Variants in CX3CL1 observed in about 807,000 individuals in gnomAD.
CX3CL1 encodes the protein C-X3-C motif chemokine ligand 1, also known as fractalkine.
In CX3CL1, 1 loss-of-function variant was observed where a neutral mutation model predicts 14.1. The ratio of observed to expected loss-of-function variants is 0.07; its 90% CI spans 0.03 to 0.34. The LOEUF is 0.34. Ranked by LOEUF, CX3CL1 falls within the 10% of genes least tolerant of loss-of-function variation. The pLI is 0.99. For synonymous variants in CX3CL1, 255 were observed against 229.6 expected, an observed-to-expected ratio of 1.11 and a Z score of -1.00; for missense variants, 505 against 536.4, an observed-to-expected ratio of 0.94 and a Z score of 0.58.
intron 1 of CX3CL1, chr16:57,379,340 T>A: frequency 4.5e-5 from 18 of 399,736 alleles, no homozygotes; most frequent in Middle Eastern, 6.5e-4. Context: ...AAAAAAAAAA[T>A]TAAACTCTTA....
Position 57,382,789 on chromosome 16 carries a change from C to T in CX3CL1, c.951C>T (p.Ala317=), listed in dbSNP as rs550988829. ...CTAAGGCTGAGGAACCCATCCATGCCACCATGGACCCCCAGAGGCTGGGCG... is the reference window on the plus strand; with the variant it reads ...CTAAGGCTGAGGAACCCATCCATGCTACCATGGACCCCCAGAGGCTGGGCG... ...WTPKAEEPIH[A]TMDPQRLGVL... The change falls in exon 3 of 3, where the codon GCC becomes GCT. Residue 317 remains alanine, a synonymous_variant. Transcript: ENST00000006053. This position sits in a 1 kb window ranked among gnomAD's most constrained non-coding sequence, Gnocchi z 6.9. 5.6e-6 allele frequency: 9 copies of T among 1,606,866 alleles called. No homozygotes were observed. The highest frequency in any genetic ancestry group is 2.7e-5 in the African/African-American group (2 of 74,924).
intron 1 of CX3CL1, among the ~76,000 whole-genome samples, chr16:57,374,912 G>A (rs570233700): frequency 4.6e-5 from 7 of 152,226 alleles, no homozygotes; most frequent in Admixed American, 1.3e-4. Context: ...AGGCCAAGGC[G>A]GGCAGATCAC....
intron 2 of CX3CL1, among the ~76,000 whole-genome samples, chr16:57,380,248 C>G (rs1055747932): frequency 6.6e-6 from 1 of 152,144 alleles, no homozygotes; most frequent in Non-Finnish European, 1.5e-5. Context: ...AAATGGGTAG[C>G]TAGGACAGGA....
In CX3CL1 at chr16:57,382,237, C is replaced by A; in HGVS notation, c.399C>A (p.Gly133=). Residue 133 remains glycine (G), a synonymous_variant, in exon 3 of 3, where the codon GGC becomes GGA. Coordinates refer to ENST00000006053, the MANE Select transcript of CX3CL1 (RefSeq NM_002996.6). The surrounding 1 kb of genome is among the most constrained non-coding windows in gnomAD (Gnocchi z 6.9). The stretch of plus-strand genomic sequence containing the variant: ...TGGTCCTGGAGCCCGAAGCCACAGG[C>A]GAAAGCAGTAGCCTGGAGCCGACTC... ...ESVVLEPEAT[G]ESSSLEPTPS... is the part of the protein sequence containing the mutation. 6.2e-7 allele frequency: 1 copy of A among 1,612,080 alleles called. No individual in the cohort carries two copies. The highest frequency in any genetic ancestry group is 8.5e-7 in the Non-Finnish European group (1 of 1,178,938).
Position 57,382,138 on chromosome 16 carries a change from C to T in CX3CL1, c.300C>T (p.Gly100=), listed in dbSNP as rs1265015801. 5 of 1,613,862 alleles carry T rather than the reference C, an allele frequency of 3.1e-6. No individual in the cohort carries two copies. Among genetic ancestry groups the T allele is most frequent in the South Asian group, 2.2e-5 (2 of 91,088 alleles). The change falls in exon 3 of 3, where the codon GGC becomes GGT. Residue 100 remains glycine (G), a synonymous_variant. Coordinates refer to ENST00000006053, the MANE Select transcript of CX3CL1 (RefSeq NM_002996.6). The surrounding 1 kb of genome is among the most constrained non-coding windows in gnomAD (Gnocchi z 6.9). ...DRQAAALTRN[G]GTFEKQIGEV... ...AGGCTGCTGCCCTAACTCGAAATGG[C>T]GGCACCTTCGAGAAGCAGATCGGCG...
At position 57,383,018 on chromosome 16, in the gene CX3CL1, CT is replaced by C; in HGVS notation, c.1181del (p.Leu394ArgfsTer35). ...PRSCGSNSYV[L>X]VPV ...GAGCTGTGGTAGTAATTCATATGTC[CT>C]GGTGCCCGTGTGAACTCCTCTGGCC... On this transcript the variant is annotated frameshift_variant, in exon 3 of 3. Coordinates refer to ENST00000006053, the MANE Select transcript of CX3CL1 (RefSeq NM_002996.6). LOFTEE classifies it high-confidence loss of function. The C allele has an allele frequency of 6.7e-7, 1 of 1,491,144 alleles. No individual in the cohort carries two copies. The highest frequency in any genetic ancestry group is 9.0e-7 in the Non-Finnish European group (1 of 1,116,974). The allele number at this position is 1,491,144 out of a possible 1,614,324, so 92.4% of individuals were successfully genotyped here. A position where few individuals can be genotyped will look rare whatever the true frequency, so the allele number is the denominator to read the frequency against.
chr16:57,375,553 G>A lies in CX3CL1; in HGVS notation c.70+2915G>A, dbSNP rs9926186. 2.0e-5 allele frequency among the ~76,000 whole-genome samples: 3 copies of A among 152,314 alleles called. No homozygotes were observed. The East Asian group carries it at 5.8e-4, about 29-fold the overall frequency. ...GCCCTAAGGGAAAAATGCTCCAGAAGTTAAAAAATTCTTATTCTCACAACC... is the reference window on the plus strand; with the variant it reads ...GCCCTAAGGGAAAAATGCTCCAGAAATTAAAAAATTCTTATTCTCACAACC... On this transcript the variant is annotated intron_variant, in intron 1 of 2. Transcript: ENST00000006053.
intron 2 of CX3CL1, among the ~76,000 whole-genome samples, chr16:57,380,106 A>C (rs1369847274): frequency 6.6e-6 from 1 of 152,200 alleles, no homozygotes; most frequent in East Asian, 1.9e-4. Flanking sequence ...GTAGGTGTAA[A>C]GCATGAGGGT....
rs1442077921 is a variant in CX3CL1, at chr16:57,383,925, A to C, written c.*893A>C. 3 of 152,458 alleles carry C rather than the reference A, an allele frequency of 2.0e-5. No homozygotes were observed. The highest frequency in any genetic ancestry group is 4.4e-5 in the Non-Finnish European group (3 of 68,230). 9.4% of individuals were successfully genotyped at this position (152,458 alleles called of 1,614,324 possible). On this transcript the variant is annotated 3_prime_UTR_variant, in exon 3 of 3. Transcript: ENST00000006053. ...GGCCCAGAGGGCCTGCAAGGGAGTGAGTTGATAGCACAGACCCTGCCCTGT... is the reference window on the plus strand; with the variant it reads ...GGCCCAGAGGGCCTGCAAGGGAGTGCGTTGATAGCACAGACCCTGCCCTGT...
At chr16:57,379,453 G>A (rs1157901462) in intron 1 of CX3CL1, 181 bp from the exon 2 acceptor site, 6 of 591,640 alleles carry the variant, frequency 1.0e-5, no homozygotes, top group Non-Finnish European at 1.8e-5. Flanking sequence ...TTTTACAGGT[G>A]GGGAAACTGA....
At chr16:57,372,866 C>A (rs529574414) in intron 1 of CX3CL1, among the ~76,000 whole-genome samples, 34 of 152,274 alleles carry the variant, frequency 2.2e-4, no homozygotes, top group African/African-American at 7.9e-4. Flanking sequence ...GCCCAGCGAG[C>A]AAAGTGGCTG....
rs1468466971 is a variant in CX3CL1 at position 57,379,646 on chromosome 16, G to T, written c.83G>T (p.Gly28Val). The part of the protein sequence containing the change: ...LTVLLAGQHH[G>V]VTKCNITCSK... ...TCTTTGAACTCAGGACAGCACCACG[G>T]TGTGACGAAATGCAACATCACGTGC... The change falls in exon 2 of 3, where the codon GGT (glycine) becomes GTT (valine). Residue 28 changes from glycine (G) to valine (V), a missense_variant. Coordinates refer to ENST00000006053, the MANE Select transcript of CX3CL1 (RefSeq NM_002996.6). 2 of 1,614,198 alleles carry T rather than the reference G, an allele frequency of 1.2e-6. No individual in the cohort carries two copies. Among genetic ancestry groups the T allele is most frequent in the South Asian group, 2.2e-5 (2 of 91,076 alleles).
At chr16:57,377,324 G>A (rs1048911694) in intron 1 of CX3CL1, 2 of 152,386 alleles carry the variant, frequency 1.3e-5, no homozygotes, top group African/African-American at 2.4e-5. Context: ...GAGTCAGTCT[G>A]AGGTTCCATT....
intron 1 of CX3CL1, 116 bp downstream of exon 1, chr16:57,372,754 G>C: frequency 1.0e-6 from 1 of 956,946 alleles, no homozygotes; most frequent in Non-Finnish European, 1.6e-6. Context: ...CAAGGCCGGT[G>C]GCAGCCGCTT....
At chr16:57,378,288 A>G (rs172783) in intron 1 of CX3CL1, 119,781 of 151,932 alleles carry the variant, frequency 0.79, 47,380 homozygotes, top group Non-Finnish European at 0.81. Context: ...ATAGTGGCTT[A>G]CATCTGTAAT....
At chr16:57,375,394 G>T (rs1039898032) in intron 1 of CX3CL1, among the ~76,000 whole-genome samples, 8 of 151,980 alleles carry the variant, frequency 5.3e-5, no homozygotes, top group Non-Finnish European at 1.0e-4. Context: ...AATGTTTTTG[G>T]TTCAGTTGAG....
intron 2 of CX3CL1, 25 bp downstream of exon 2, chr16:57,379,779 G>C: frequency 6.2e-7 from 1 of 1,613,678 alleles, no homozygotes; most frequent in Non-Finnish European, 8.5e-7. Flanking sequence ...CGAGGCCTCT[G>C]AAATCCCCTT....
rs550308967 is a variant in CX3CL1, at chr16:57,383,395, T to C, written c.*363T>C. 72 of 179,770 alleles carry C rather than the reference T, an allele frequency of 4.0e-4. No individual in the cohort carries two copies. Among genetic ancestry groups the C allele is most frequent in the African/African-American group, 1.4e-3 (59 of 42,692 alleles). 11.1% of individuals were successfully genotyped at this position (179,770 alleles called of 1,614,324 possible). ...CTGTGAGTACTACAGTCCTCCCATC[T>C]CACACATGAGCATCAGGCCAGGCCC... On this transcript the variant is annotated 3_prime_UTR_variant, in exon 3 of 3. Coordinates refer to ENST00000006053, the MANE Select transcript of CX3CL1 (RefSeq NM_002996.6).
Position 57,382,038 on chromosome 16 carries a change from C to T in CX3CL1, c.200C>T (p.Thr67Met), listed in dbSNP as rs773504821. The T allele has an allele frequency of 5.7e-6, 9 of 1,576,374 alleles. No homozygotes were observed. Among genetic ancestry groups the T allele is most frequent in the South Asian group, 1.1e-5 (1 of 87,090 alleles). The change falls in exon 3 of 3, where the codon ACG (threonine) becomes ATG (methionine). Residue 67 changes from threonine (T) to methionine (M), a missense_variant. By Grantham distance (81) the Thr-to-Met change is moderately conservative (BLOSUM62 -1). Coordinates refer to ENST00000006053, the MANE Select transcript of CX3CL1 (RefSeq NM_002996.6). This position sits in a 1 kb window ranked among gnomAD's most constrained non-coding sequence, Gnocchi z 6.9. ...SCGKRAIILE[T>M]RQHRLFCADP... ...GTCTTCCTCCCTTGTAGCTTGGAGA[C>T]GAGACAGCACAGGCTGTTCTGTGCC...
Sources: gnomAD v4.1 joint callset for allele counts (sites outside exome capture counted in the v4.1 genomes callset) on GRCh38, gnomAD v4.1.1 for gene constraint, Gnocchi (gnomAD v3.1) non-coding constraint, MANE v1.5 for transcripts, NCBI Gene and HGNC (gene_info 2026-07-23, HGNC 2026-07-21) for gene names.